KCNH8: variants seen among roughly 807,000 people sequenced by gnomAD.
KCNH8 encodes the protein voltage-gated delayed rectifier potassium channel KCNH8.
In KCNH8, 70 loss-of-function variants were observed where a neutral mutation model predicts 103.6. The ratio of observed to expected loss-of-function variants is 0.68; its 90% confidence interval spans 0.56 to 0.82. The LOEUF (loss-of-function observed/expected upper bound fraction) is 0.82. Among genes scored for constraint, KCNH8 ranks in the 40% least tolerant of loss-of-function variants. KCNH8 has a pLI of 0.00. For synonymous variants in KCNH8, 498 were observed against 489.4 expected, an observed-to-expected ratio of 1.02 and a Z score of -0.23; for missense variants, 1,217 against 1,329.9, an observed-to-expected ratio of 0.92 and a Z score of 1.32.
chr3:19,301,605 A>G (rs114361610), intron 3 of KCNH8, among the ~76,000 whole-genome samples: 5 of 152,100 alleles, frequency 3.3e-5, no homozygotes, highest in East Asian at 1.9e-4. Context: ...CAATTCTCCA[A>G]TTCTCTGTGG....
At chr3:19,216,011 A>C (rs2063814617) in intron 1 of KCNH8, among the ~76,000 whole-genome samples, 1 of 152,200 alleles carries the variant, frequency 6.6e-6, no homozygotes, top group African/African-American at 2.4e-5. Flanking sequence ...AATTAATAGG[A>C]ATTTAGAATA....
chr3:19,308,650 GTCTCTCTCTCTCTCTCTCTCTCTCTC>G (rs1163604706), intron 3 of KCNH8, among the ~76,000 whole-genome samples: 31 of 51,368 alleles, frequency 6.0e-4, no homozygotes, highest in East Asian at 1.4e-3. Flanking sequence ...GAATGTTGGG[GTCTCTCTCTCTCTCTCTCTCTCTCTC>G]TCTCTCTCTC....
At chr3:19,161,378 G>A (rs908299027) in intron 1 of KCNH8, among the ~76,000 whole-genome samples, 2 of 151,996 alleles carry the variant, frequency 1.3e-5, no homozygotes, top group African/African-American at 4.8e-5. Flanking sequence ...TCCTTTTTTC[G>A]AGGGAAGCAG....
chr3:19,184,703 T>C (rs1158701636), intron 1 of KCNH8, among the ~76,000 whole-genome samples: 2 of 151,956 alleles, frequency 1.3e-5, no homozygotes, highest in Non-Finnish European at 2.9e-5. Context: ...CAAATGCATT[T>C]GATCAGGGAA....
chr3:19,481,194 G>A (rs1209288324), intron 11 of KCNH8, among the ~76,000 whole-genome samples: 2 of 151,914 alleles, frequency 1.3e-5, no homozygotes, highest in Non-Finnish European at 2.9e-5. Context: ...AAATTTATGG[G>A]GTAGAAGTTT....
rs2065750630 is a variant in KCNH8 at position 19,347,980 on chromosome 3, C to G, written c.811+15C>G. On this transcript the variant is annotated intron_variant, in intron 5 of 15. Transcript: ENST00000328405. ...TTTTATTATAGGTAAGAACAAACAG[C>G]TGCTTTCCTACGATATTTGCATATG... The G allele has an allele frequency of 2.5e-6, 4 of 1,608,876 alleles. No homozygotes were observed. The highest frequency in any genetic ancestry group is 3.4e-6 in the Non-Finnish European group (4 of 1,176,870).
At position 19,533,383 on chromosome 3, in the gene KCNH8, C is replaced by G. The variant is rs749660828; in HGVS notation, c.2620-12C>G. The G allele has an allele frequency of 1.3e-5, 20 of 1,579,458 alleles. No homozygotes were observed. Among genetic ancestry groups the G allele is most frequent in the Admixed American group, 1.7e-5 (1 of 59,970 alleles). On this transcript the variant is annotated splice_polypyrimidine_tract_variant and intron_variant, in intron 15 of 15. Coordinates refer to ENST00000328405, the MANE Select transcript of KCNH8 (RefSeq NM_144633.3). ...TCTAACTATTGTCTTTCACTTTGCTCTATCCACATAGGTAACAACATTGAC... is the reference window on the plus strand; with the variant it reads ...TCTAACTATTGTCTTTCACTTTGCTGTATCCACATAGGTAACAACATTGAC...
intron 1 of KCNH8, among the ~76,000 whole-genome samples, chr3:19,185,199 C>G (rs1177389886): frequency 6.6e-6 from 1 of 151,734 alleles, no homozygotes; most frequent in Non-Finnish European, 1.5e-5. Context: ...TTCTAAAGTC[C>G]TGCCAAATTA....
At chr3:19,244,734 T>G (rs1229000345) in intron 1 of KCNH8, among the ~76,000 whole-genome samples, 1 of 152,188 alleles carries the variant, frequency 6.6e-6, no homozygotes, top group Non-Finnish European at 1.5e-5. Flanking sequence ...ATGATGAATA[T>G]TTTTTCATAT....
At chr3:19,510,276 C>T in intron 11 of KCNH8, 87 bp from the exon 12 acceptor site, 1 of 818,724 alleles carries the variant, frequency 1.2e-6, no homozygotes, top group Non-Finnish European at 2.1e-6. Flanking sequence ...TCTGTACATA[C>T]TTCTCTTTCC....
At chr3:19,403,381 T>TAC (rs2066643540) in intron 7 of KCNH8, among the ~76,000 whole-genome samples, 3 of 29,490 alleles carry the variant, frequency 1.0e-4, no homozygotes, top group African/African-American at 7.2e-4. Flanking sequence ...TATATATATA[T>TAC]ATATATATAT....
intron 2 of KCNH8, among the ~76,000 whole-genome samples, chr3:19,275,060 A>G (rs1177260447): frequency 6.6e-6 from 1 of 151,400 alleles, no homozygotes; most frequent in Non-Finnish European, 1.5e-5. Context: ...TCCAGTCTTG[A>G]ACTCTTTACA....
At chr3:19,488,278 T>G (rs945216688) in intron 11 of KCNH8, among the ~76,000 whole-genome samples, 5 of 152,242 alleles carry the variant, frequency 3.3e-5, no homozygotes, top group Non-Finnish European at 5.9e-5. Flanking sequence ...CCTCCTTTTC[T>G]TTCCCTTTTG....
At chr3:19,522,050 G>T (rs2068980029) in intron 15 of KCNH8, among the ~76,000 whole-genome samples, 1 of 151,742 alleles carries the variant, frequency 6.6e-6, no homozygotes, top group African/African-American at 2.4e-5. Context: ...TACTCTACTT[G>T]CTGTATTTTA....
chr3:19,164,730 G>T (rs1559404077), intron 1 of KCNH8, among the ~76,000 whole-genome samples: 1 of 152,202 alleles, frequency 6.6e-6, no homozygotes, highest in African/African-American at 2.4e-5. Flanking sequence ...TATCTGGGAA[G>T]CTCAACATAT....
intron 2 of KCNH8, among the ~76,000 whole-genome samples, chr3:19,254,560 G>A (rs1237026510): frequency 6.6e-6 from 1 of 152,038 alleles, no homozygotes. Flanking sequence ...GGGTGTGTAA[G>A]GTGTCCTCAG....
intron 1 of KCNH8, among the ~76,000 whole-genome samples, chr3:19,167,257 G>A (rs534401627): frequency 7.2e-5 from 11 of 152,242 alleles, no homozygotes; most frequent in East Asian, 1.9e-4. Context: ...TACCAAAAAG[G>A]GTTGATGAGG....
chr3:19,222,454 G>A (rs988933528), intron 1 of KCNH8, among the ~76,000 whole-genome samples: 1 of 152,118 alleles, frequency 6.6e-6, no homozygotes, highest in African/African-American at 2.4e-5. Context: ...AAGTGTTTAA[G>A]CATTTCTACT....
chr3:19,212,600 C>G (rs1388742273), intron 1 of KCNH8, among the ~76,000 whole-genome samples: 1 of 151,960 alleles, frequency 6.6e-6, no homozygotes, highest in Non-Finnish European at 1.5e-5. Context: ...GGTTGGGGCT[C>G]ATACTGTTTG....
Sources: gnomAD v4.1 joint callset for allele counts (sites outside exome capture counted in the v4.1 genomes callset) on GRCh38, gnomAD v4.1.1 for gene constraint, MANE v1.5 for transcripts, NCBI Gene and HGNC (gene_info 2026-07-23, HGNC 2026-07-21) for gene names.